Variants in PATJ observed in about 807,000 individuals in gnomAD.
The protein encoded by PATJ is inaD-like protein.
In PATJ, 190 loss-of-function variants were observed where a neutral mutation model predicts 224.9. The observed-to-expected ratio is 0.84, with a 90% confidence interval of 0.75 to 0.95. PATJ has a LOEUF of 0.95. Ranked by LOEUF, PATJ falls within the 40% of genes least tolerant of loss-of-function variation. The probability of loss-of-function intolerance (pLI) is 0.00; values close to 1 mark genes in which losing one functional copy is unlikely to be tolerated. For missense variants in PATJ, 2,121 were observed against 2,270.3 expected (o/e 0.93, Z 1.34); for synonymous variants, 769 against 820.3 (o/e 0.94, Z 1.07).
intron 1 of PATJ, among the ~76,000 whole-genome samples, chr1:61,748,927 GGCCAAAT>G (rs1645174098): frequency 6.6e-6 from 1 of 152,092 alleles, no homozygotes; most frequent in Non-Finnish European, 1.5e-5. Flanking sequence ...CCATGTGCTA[GGCCAAAT>G]GCTCTAAATT....
At chr1:62,069,562 G>A (rs571984678) in intron 31 of PATJ, among the ~76,000 whole-genome samples, 59 of 152,234 alleles carry the variant, frequency 3.9e-4, no homozygotes, top group Admixed American at 3.0e-3. Context: ...TAAGAAATGA[G>A]ACAGTGCGTC....
chr1:62,064,167 G>A (rs906457226), intron 31 of PATJ, among the ~76,000 whole-genome samples: 3 of 152,116 alleles, frequency 2.0e-5, no homozygotes, highest in African/African-American at 2.4e-5. Flanking sequence ...TTTGAGGTAC[G>A]TTCCTACAAT....
At chr1:61,834,949 G>A (rs151270190) in intron 17 of PATJ, among the ~76,000 whole-genome samples, 3 of 152,156 alleles carry the variant, frequency 2.0e-5, no homozygotes, top group East Asian at 3.9e-4. Flanking sequence ...GGCTGGTCTC[G>A]AACTCCTGAC....
intron 6 of PATJ, among the ~76,000 whole-genome samples, chr1:61,772,097 A>G (rs1570393200): frequency 6.9e-6 from 1 of 144,482 alleles, no homozygotes; most frequent in East Asian, 2.1e-4. Context: ...AAGATGTTTC[A>G]TGACGGTCGT....
intron 17 of PATJ, among the ~76,000 whole-genome samples, chr1:61,843,607 G>A (rs1053259214): frequency 4.6e-5 from 7 of 151,682 alleles, no homozygotes; most frequent in Non-Finnish European, 8.8e-5. Flanking sequence ...ATGGTGGCGT[G>A]CACCTGTAGT....
intron 33 of PATJ, among the ~76,000 whole-genome samples, chr1:62,087,971 A>G (rs1423000297): frequency 6.7e-6 from 1 of 149,610 alleles, no homozygotes; most frequent in Non-Finnish European, 1.5e-5. Flanking sequence ...GGCTCACCGC[A>G]ACCTCCGCCT....
At chr1:62,091,097 C>T (rs1263825567) in intron 33 of PATJ, among the ~76,000 whole-genome samples, 1 of 152,156 alleles carries the variant, frequency 6.6e-6, no homozygotes, top group African/African-American at 2.4e-5. Flanking sequence ...CATTTTCCTT[C>T]CCTGAGATCC....
intron 20 of PATJ, 69 bp downstream of exon 20, chr1:61,864,702 A>C: frequency 1.6e-5 from 22 of 1,371,732 alleles, no homozygotes; most frequent in African/African-American, 2.9e-5. Flanking sequence ...TCTCTAACTC[A>C]TGTCACTTCA....
intron 30 of PATJ, among the ~76,000 whole-genome samples, chr1:62,048,814 A>G (rs1345921659): frequency 6.6e-6 from 1 of 152,182 alleles, no homozygotes; most frequent in Non-Finnish European, 1.5e-5. Flanking sequence ...GAGCACTAAC[A>G]TGATGCTCCA....
At chr1:62,038,676 C>T (rs1351303498) in intron 30 of PATJ, 5 of 249,976 alleles carry the variant, frequency 2.0e-5, no homozygotes, top group African/African-American at 6.8e-5. Flanking sequence ...AGGAAGTTAA[C>T]GTTCACTATT....
intron 14 of PATJ, among the ~76,000 whole-genome samples, chr1:61,822,186 T>C (rs1044592102): frequency 2.0e-5 from 3 of 152,078 alleles, no homozygotes; most frequent in African/African-American, 7.2e-5. Flanking sequence ...AGACTCTGCA[T>C]TCAGGTAAGG....
At chr1:62,014,343 ACCACACCTGGCCT>A (rs1344294713) in intron 28 of PATJ, among the ~76,000 whole-genome samples, 7 of 152,066 alleles carry the variant, frequency 4.6e-5, no homozygotes, top group African/African-American at 1.7e-4. Context: ...GGCATGAGCC[ACCACACCTGGCCT>A]TATCTGATTT....
At chr1:61,934,329 G>A (rs891002902) in intron 27 of PATJ, among the ~76,000 whole-genome samples, 4 of 152,168 alleles carry the variant, frequency 2.6e-5, no homozygotes, top group African/African-American at 9.7e-5. Context: ...TGTTGGCCAG[G>A]CTGGTCTTGA....
intron 13 of PATJ, 91 bp from the exon 14 acceptor site, chr1:61,808,383 A>T: frequency 1.3e-6 from 1 of 744,406 alleles, no homozygotes; most frequent in Non-Finnish European, 2.4e-6. Context: ...TAGAGTTATC[A>T]ATATATAGGT....
At chr1:61,899,814 A>G (rs932925615) in intron 23 of PATJ, among the ~76,000 whole-genome samples, 160 bp downstream of exon 23, 1 of 152,206 alleles carries the variant, frequency 6.6e-6, no homozygotes, top group Non-Finnish European at 1.5e-5. Context: ...TGTCTTATCT[A>G]GAGATTTTTA....
At chr1:61,993,805 A>C (rs10493315) in intron 28 of PATJ, among the ~76,000 whole-genome samples, 10,120 of 152,242 alleles carry the variant, frequency 0.066, 750 homozygotes, top group East Asian at 0.39. Context: ...CTGTTAATGA[A>C]AACAGACTTC....
intron 41 of PATJ, among the ~76,000 whole-genome samples, chr1:62,136,015 ATTTTTTTT>A (rs374594803): frequency 9.4e-5 from 6 of 63,880 alleles, no homozygotes; most frequent in South Asian, 1.6e-3. Context: ...AGACCATTAG[ATTTTTTTT>A]TTTTTTTTTT....
intron 33 of PATJ, among the ~76,000 whole-genome samples, chr1:62,099,347 C>CTTTTTTTTTTTTTTTTTTTTTT (rs71050197): frequency 1.6e-4 from 9 of 55,676 alleles, no homozygotes; most frequent in South Asian, 6.6e-4. Context: ...ATATCTCCAA[C>CTTTTTTTTTTTTTTTTTTTTTT]TTTTTTTTTT....
At chr1:61,933,025 G>A (rs1316957383) in intron 27 of PATJ, among the ~76,000 whole-genome samples, 2 of 152,166 alleles carry the variant, frequency 1.3e-5, no homozygotes. Context: ...ATCTTGCATA[G>A]TTGCACATAT....
Sources: gnomAD v4.1 joint callset for allele counts (sites outside exome capture counted in the v4.1 genomes callset) on GRCh38, gnomAD v4.1.1 for gene constraint, MANE v1.5 for transcripts, NCBI Gene and HGNC (gene_info 2026-07-23, HGNC 2026-07-21) for gene names.